SNX29: variants seen among roughly 807,000 people sequenced by gnomAD.
The protein encoded by SNX29 is sorting nexin 29, also known as sorting nexin-29.
A neutral mutation model predicts 102.1 loss-of-function variants in SNX29; 78 were observed. That is an observed-to-expected ratio of 0.76 (90% CI 0.64 to 0.92). The LOEUF is 0.92. Ranked by LOEUF, SNX29 falls within the 40% of genes least tolerant of loss-of-function variation. The pLI, the probability that SNX29 is intolerant of heterozygous loss-of-function variation, is 0.00. For missense variants in SNX29, 1,280 were observed against 1,061.7 expected (o/e 1.21, Z -2.86); for synonymous variants, 580 against 414.5 (o/e 1.40, Z -4.85).
At position 12,570,454 on chromosome 16, in the gene SNX29, C is replaced by CCATT. The variant is rs2079163604; in HGVS notation, c.*1825_*1826insCATT. ...AATAGAGAGCCCTAATGGACTGAGG[C>CCATT]AGGAAACGTCTAAAAGCTCAATCTG... On this transcript the variant is annotated 3_prime_UTR_variant, in exon 21 of 21. Transcript: ENST00000566228. 8.4e-6 allele frequency: 2 copies of CCATT among 237,540 alleles called. No individual in the cohort carries two copies. The highest frequency in any genetic ancestry group is 1.6e-5 in the Non-Finnish European group (2 of 122,250). The allele number at this position is 237,540 out of a possible 1,614,324, so 14.7% of individuals were successfully genotyped here. A position where few individuals can be genotyped will look rare whatever the true frequency, so the allele number is the denominator to read the frequency against.
intron 14 of SNX29, among the ~76,000 whole-genome samples, chr16:12,250,813 C>T (rs543648251): frequency 1.3e-4 from 18 of 142,694 alleles, no homozygotes; most frequent in African/African-American, 2.7e-4. Flanking sequence ...GAAAGACAAA[C>T]GGGTTTTCTA....
At chr16:12,499,632 A>G (rs1199646524) in intron 19 of SNX29, among the ~76,000 whole-genome samples, 2 of 152,174 alleles carry the variant, frequency 1.3e-5, no homozygotes, top group African/African-American at 2.4e-5. Context: ...AGACCCGGTG[A>G]ATTAGAATCT....
chr16:12,132,259 C>T (rs1289571027), intron 13 of SNX29, among the ~76,000 whole-genome samples: 2 of 152,008 alleles, frequency 1.3e-5, no homozygotes, highest in South Asian at 2.1e-4. Flanking sequence ...CCACTATGCC[C>T]GGCTAATTTT....
intron 15 of SNX29, among the ~76,000 whole-genome samples, chr16:12,337,556 G>C (rs1228037647): frequency 6.6e-6 from 1 of 152,054 alleles, no homozygotes; most frequent in African/African-American, 2.4e-5. Flanking sequence ...TGTCCAGGCT[G>C]GTCCTAAACT....
intron 20 of SNX29, among the ~76,000 whole-genome samples, chr16:12,553,346 G>A (rs1348955064): frequency 6.6e-6 from 1 of 152,226 alleles, no homozygotes. Context: ...AGAGAAACCA[G>A]CTCGTCTTCT....
intron 19 of SNX29, among the ~76,000 whole-genome samples, chr16:12,500,534 A>T (rs946129996): frequency 2.0e-5 from 3 of 152,230 alleles, no homozygotes; most frequent in Non-Finnish European, 4.4e-5. Flanking sequence ...AGTGGTGAAT[A>T]TTTTCATGCA....
rs962712855 is a variant in SNX29, at chr16:12,570,099, T to C, written c.*1470T>C. ...AGGTTTATACTGTGCCTTCCCCTCG[T>C]AGCAAAAAGGAAGATTGTTCATGGC... On this transcript the variant is annotated 3_prime_UTR_variant, in exon 21 of 21. Transcript: ENST00000566228. 10 of 964,564 alleles carry C rather than the reference T, an allele frequency of 1.0e-5. No homozygotes were observed. Among genetic ancestry groups the C allele is most frequent in the Admixed American group, 5.4e-5 (1 of 18,460 alleles). The allele number at this position is 964,564 out of a possible 1,614,324, so 59.8% of individuals were successfully genotyped here.
chr16:12,081,985 G>C (rs1319017341), intron 11 of SNX29: 3 of 152,334 alleles, frequency 2.0e-5, no homozygotes, highest in Admixed American at 6.5e-5. Context: ...AGTCACATTA[G>C]GTGTTGAGGC....
intron 19 of SNX29, among the ~76,000 whole-genome samples, chr16:12,517,794 G>T (rs563922319): frequency 3.3e-5 from 5 of 152,062 alleles, no homozygotes; most frequent in Non-Finnish European, 7.4e-5. Flanking sequence ...AGGAGAATGA[G>T]GACTGGATCA....
At chr16:12,330,456 G>C (rs17817646) in intron 15 of SNX29, among the ~76,000 whole-genome samples, 1 of 152,136 alleles carries the variant, frequency 6.6e-6, no homozygotes, top group African/African-American at 2.4e-5. Context: ...TGGGCTTGAC[G>C]GTCATAAGTA....
chr16:12,557,123 A>ACACT (rs2078418058), intron 20 of SNX29, among the ~76,000 whole-genome samples: 1 of 151,510 alleles, frequency 6.6e-6, no homozygotes, highest in East Asian at 2.0e-4. Flanking sequence ...TGCTGAGATT[A>ACACT]GACACAGGAG....
chr16:12,134,565 A>G (rs1313867678), intron 13 of SNX29, among the ~76,000 whole-genome samples: 1 of 152,236 alleles, frequency 6.6e-6, no homozygotes, highest in African/African-American at 2.4e-5. Flanking sequence ...CAGGGTGCGT[A>G]ACCCAGGAGC....
intron 13 of SNX29, among the ~76,000 whole-genome samples, chr16:12,177,736 A>G (rs2076292309): frequency 6.6e-6 from 1 of 152,226 alleles, no homozygotes; most frequent in African/African-American, 2.4e-5. Context: ...AAATGAGTGA[A>G]TGAATTCTGT....
intron 20 of SNX29, among the ~76,000 whole-genome samples, chr16:12,555,584 C>T (rs55779146): frequency 1.3e-5 from 2 of 151,802 alleles, no homozygotes; most frequent in Admixed American, 6.5e-5. Flanking sequence ...CTCCATTTCT[C>T]CCTGTACCCA....
chr16:12,260,926 A>G lies in SNX29; in HGVS notation c.1679-17007A>G, dbSNP rs553003663. Among the ~76,000 whole-genome samples, 678 of 143,048 alleles carry G rather than the reference A, an allele frequency of 4.7e-3. 9 individuals carry two copies. Among genetic ancestry groups the G allele is most frequent in the Admixed American group, 8.1e-3 (115 of 14,266 alleles). The allele number at this position is 143,048 out of a possible 152,430, so 93.8% of individuals were successfully genotyped here. A position where few individuals can be genotyped will look rare whatever the true frequency, so the allele number is the denominator to read the frequency against. Reference sequence around the variant, plus strand: ...GTGTTTGTTGAGCTCAGGTCAGTGCACGCGCCCCCGGCTGGAGTGAGTATT... The same window carrying G: ...GTGTTTGTTGAGCTCAGGTCAGTGCGCGCGCCCCCGGCTGGAGTGAGTATT... On this transcript the variant is annotated intron_variant, in intron 14 of 20. Coordinates refer to ENST00000566228, the MANE Select transcript of SNX29 (RefSeq NM_032167.5).
intron 1 of SNX29, among the ~76,000 whole-genome samples, chr16:11,997,292 C>T (rs1399879299): frequency 6.6e-6 from 1 of 152,146 alleles, no homozygotes; most frequent in African/African-American, 2.4e-5. Flanking sequence ...CTGGCCTGCC[C>T]TGTCTTTCCA....
At chr16:12,518,325 C>T (rs550457377) in intron 19 of SNX29, among the ~76,000 whole-genome samples, 1 of 152,196 alleles carries the variant, frequency 6.6e-6, no homozygotes, top group Non-Finnish European at 1.5e-5. Context: ...ACACTGCAGT[C>T]TTACACCTCT....
intron 18 of SNX29, among the ~76,000 whole-genome samples, chr16:12,434,672 C>G (rs1027787018): frequency 1.3e-5 from 2 of 152,158 alleles, no homozygotes; most frequent in African/African-American, 4.8e-5. Flanking sequence ...CCCTGCACAA[C>G]GGCTGGGGGC....
intron 14 of SNX29, among the ~76,000 whole-genome samples, chr16:12,255,564 G>A (rs1171155565): frequency 6.6e-6 from 1 of 151,708 alleles, no homozygotes; most frequent in African/African-American, 2.4e-5. Flanking sequence ...CCCAACCTCT[G>A]GTAATCACCA....
Sources: gnomAD v4.1 joint callset for allele counts (sites outside exome capture counted in the v4.1 genomes callset) on GRCh38, gnomAD v4.1.1 for gene constraint, MANE v1.5 for transcripts, NCBI Gene and HGNC (gene_info 2026-07-23, HGNC 2026-07-21) for gene names.